The following NFKBIZ variants were observed in gnomAD, a reference collection of about 807,000 sequenced individuals.
The protein encoded by NFKBIZ is NFKB inhibitor zeta.
NFKBIZ carries 19 observed loss-of-function variants against 76.8 expected under a neutral mutation model. The ratio of observed to expected loss-of-function variants is 0.25; its 90% confidence interval spans 0.17 to 0.36. The LOEUF (loss-of-function observed/expected upper bound fraction) is 0.36. NFKBIZ is among the 10% of genes least tolerant of loss of function. The pLI is 1.00. For synonymous variants in NFKBIZ, 368 were observed against 354.8 expected, an observed-to-expected ratio of 1.04 and a Z score of -0.42; for missense variants, 829 against 910.9, an observed-to-expected ratio of 0.91 and a Z score of 1.16.
At chr3:101,832,893 A>G (rs1439772984) in intron 2 of NFKBIZ, among the ~76,000 whole-genome samples, 1 of 152,258 alleles carries the variant, frequency 6.6e-6, no homozygotes, top group East Asian at 1.9e-4. Context: ...TGGATGCACC[A>G]TGATGAATTT....
rs185094219 is a variant in NFKBIZ at position 101,828,562 on chromosome 3, G to A, written c.-88+378G>A. On this transcript the variant is annotated intron_variant, in intron 1 of 12. Coordinates refer to the NFKBIZ transcript ENST00000394054. ...AGTCTCCCAGGAGATTTGATGTGTG[G>A]GTTTAGAGGAGTACTTTCCCACCAA... Among the ~76,000 whole-genome samples the A allele has an allele frequency of 1.4e-4, 22 of 152,268 alleles. No individual in the cohort carries two copies. In the East Asian group the frequency reaches 3.3e-3, roughly 23 times the overall value.
chr3:101,843,936 T>C (rs1560084661), intron 2 of NFKBIZ, among the ~76,000 whole-genome samples: 3 of 152,220 alleles, frequency 2.0e-5, no homozygotes, highest in Non-Finnish European at 4.4e-5. Context: ...CAACAGAAGT[T>C]TCCCAAAATT....
chr3:101,850,743 A>T, intron 1 of NFKBIZ, among the ~76,000 whole-genome samples: 1 of 152,202 alleles, frequency 6.6e-6, no homozygotes, highest in East Asian at 1.9e-4. Flanking sequence ...TCCCACTCTT[A>T]GCCACTCCTG....
rs1381095304 is a variant in NFKBIZ at position 101,852,107 on chromosome 3, C to A, written c.312C>A (p.Gly104=). The change falls in exon 2 of 12, where the codon GGC becomes GGA. Residue 104 remains glycine (G), a synonymous_variant. Transcript: ENST00000326172. ...RQPVEPHMGV[G]RQQRGPFQGV... is the part of the protein sequence containing the mutation. ...CAGTTGAGCCCCATATGGGGGTTGG[C>A]AGGCAGCAGAGAGGCCCCTTTCAAG... 4 of 1,614,056 alleles carry A rather than the reference C, an allele frequency of 2.5e-6. No homozygotes were observed. The highest frequency in any genetic ancestry group is 3.4e-6 in the Non-Finnish European group (4 of 1,180,016).
rs1942994836 is a variant in NFKBIZ, at chr3:101,853,096, A to C, written c.570A>C (p.Pro190=). Residue 190 remains proline, a synonymous_variant, in exon 5 of 12, where the codon CCA becomes CCC. Coordinates refer to ENST00000326172, the MANE Select transcript of NFKBIZ (RefSeq NM_031419.4). ...PALLHSQFLT[P]PQTPTPGESM... is the part of the protein sequence containing the mutation. ...TGCATTTTCCTTCTTTCCAGACACC[A>C]CCTCAAACACCAACGCCCGGGGAGA... 4 of 1,612,614 alleles carry C rather than the reference A, an allele frequency of 2.5e-6. No homozygotes were observed. Among genetic ancestry groups the C allele is most frequent in the Non-Finnish European group, 3.4e-6 (4 of 1,178,740 alleles).
rs1042111040 is a variant in NFKBIZ, at chr3:101,849,760, C to T, written c.132C>T (p.Ala44=). 3.2e-5 allele frequency: 46 copies of T among 1,453,212 alleles called. No homozygotes were observed. Among genetic ancestry groups the T allele is most frequent in the Non-Finnish European group, 2.3e-5 (26 of 1,108,270 alleles). 90.0% of individuals were successfully genotyped at this position (1,453,212 alleles called of 1,614,324 possible). The change falls in exon 1 of 12, where the codon GCC becomes GCT. Residue 44 remains alanine, a synonymous_variant. Transcript: ENST00000326172. ...YFYGASPPAA[A]PGACDASCSV... Reference sequence around the variant, plus strand: ...ACGGCGCGTCGCCGCCCGCCGCCGCCCCGGGCGCCTGCGACGCCAGCTGCT... The same window carrying T: ...ACGGCGCGTCGCCGCCCGCCGCCGCTCCGGGCGCCTGCGACGCCAGCTGCT...
In NFKBIZ at chr3:101,855,477, A is replaced by G. The variant is rs372109103; in HGVS notation, c.1654+19A>G. On this transcript the variant is annotated intron_variant, in intron 8 of 11. Transcript: ENST00000326172. ...TATGATGGTAAGCAACTGAAACTTT[A>G]TTAGATTCAGAGCCACTTAGGGGGA... 5.6e-6 allele frequency: 9 copies of G among 1,606,578 alleles called. No individual in the cohort carries two copies. Among genetic ancestry groups the G allele is most frequent in the Non-Finnish European group, 6.8e-6 (8 of 1,173,226 alleles).
intron 2 of NFKBIZ, among the ~76,000 whole-genome samples, chr3:101,837,664 G>A (rs1274636017): frequency 6.6e-6 from 1 of 152,026 alleles, no homozygotes; most frequent in African/African-American, 2.4e-5. Flanking sequence ...AAAACGAAAG[G>A]GTGTCTTTGT....
intron 6 of NFKBIZ, 143 bp downstream of exon 6, chr3:101,854,826 A>G (rs1943025385): frequency 1.3e-6 from 1 of 754,986 alleles, no homozygotes; most frequent in Non-Finnish European, 2.1e-6. Context: ...ACTTTTTGCT[A>G]CCATCAACCT....
At chr3:101,846,969 T>C (rs530867537), upstream of NFKBIZ, among the ~76,000 whole-genome samples, 11 of 152,334 alleles carry the variant, frequency 7.2e-5, no homozygotes, top group South Asian at 1.7e-3. Flanking sequence ...AGTCAGAGTC[T>C]GAAGGCCCAA....
intron 4 of NFKBIZ, 42 bp downstream of exon 4, chr3:101,853,031 T>C: frequency 6.2e-7 from 1 of 1,613,008 alleles, no homozygotes; most frequent in Non-Finnish European, 8.5e-7. Context: ...CTTTGGAAAT[T>C]ATTCCTGGGA....
At chr3:101,847,986 C>G (rs149517377), upstream of NFKBIZ, among the ~76,000 whole-genome samples, 9 of 152,226 alleles carry the variant, frequency 5.9e-5, 1 homozygote, top group South Asian at 8.3e-4. Flanking sequence ...TTTCTCCCCC[C>G]CTCCAAAAGA....
At chr3:101,837,131 A>C (rs959869522) in intron 2 of NFKBIZ, among the ~76,000 whole-genome samples, 1 of 152,170 alleles carries the variant, frequency 6.6e-6, no homozygotes, top group Admixed American at 6.5e-5. Flanking sequence ...GGATGGTGTG[A>C]TGAAGTCATA....
chr3:101,834,069 C>A (rs567783029), intron 2 of NFKBIZ, among the ~76,000 whole-genome samples: 3 of 152,126 alleles, frequency 2.0e-5, no homozygotes, highest in Non-Finnish European at 4.4e-5. Flanking sequence ...TGAAATTTTA[C>A]TGGATAAGTA....
chr3:101,841,655 A>G (rs1311482793), intron 2 of NFKBIZ, among the ~76,000 whole-genome samples: 1 of 152,216 alleles, frequency 6.6e-6, no homozygotes, highest in East Asian at 1.9e-4. Flanking sequence ...TTACATTGCT[A>G]TGGGGATAAT....
chr3:101,858,377 A>T, intron 11 of NFKBIZ: 2 of 982,820 alleles, frequency 2.0e-6, no homozygotes, highest in South Asian at 4.7e-5. Context: ...TCAAGTTTCA[A>T]CTGAGAAAAT....
chr3:101,849,794 G>A lies in NFKBIZ; in HGVS notation c.166G>A (p.Gly56Ser). The A allele has an allele frequency of 6.8e-7, 1 of 1,470,938 alleles. No homozygotes were observed. The highest frequency in any genetic ancestry group is 8.9e-7 in the Non-Finnish European group (1 of 1,118,642). 91.1% of individuals were successfully genotyped at this position (1,470,938 alleles called of 1,614,324 possible). Residue 56 changes from glycine to serine, a missense_variant, in exon 1 of 12, where the codon GGC becomes AGC. Gly to Ser is a moderately conservative substitution (Grantham distance 56). Coordinates refer to ENST00000326172, the MANE Select transcript of NFKBIZ (RefSeq NM_031419.4). ...GACDASCSVL[G>S]PSAPGSPGSD... Reference sequence around the variant, plus strand: ...CTGCGACGCCAGCTGCTCGGTCTTGGGCCCCTCGGCGCCCGGCTCGCCCGG... The same window carrying A: ...CTGCGACGCCAGCTGCTCGGTCTTGAGCCCCTCGGCGCCCGGCTCGCCCGG...
Position 101,853,603 on chromosome 3 carries a change from T to C in NFKBIZ, c.1077T>C (p.Thr359=). The change falls in exon 5 of 12, where the codon ACT becomes ACC. Residue 359 remains threonine (T), a synonymous_variant. Transcript: ENST00000326172. ...AGAATATTGCTAATCCCATGCAGAC[T>C]TCCTCCAGTGTTCAGCAGCAAAATG... ...ESENIANPMQ[T]SSSVQQQNDA... The C allele has an allele frequency of 6.2e-7, 1 of 1,614,264 alleles. No homozygotes were observed. Among genetic ancestry groups the C allele is most frequent in the Non-Finnish European group, 8.5e-7 (1 of 1,180,046 alleles).
At chr3:101,851,684 A>C (rs1305710172) in intron 1 of NFKBIZ, among the ~76,000 whole-genome samples, 3 of 152,216 alleles carry the variant, frequency 2.0e-5, no homozygotes, top group Non-Finnish European at 4.4e-5. Flanking sequence ...GTCAAGAATA[A>C]TTATAGAACT....
Sources: gnomAD v4.1 joint callset for allele counts (sites outside exome capture counted in the v4.1 genomes callset) on GRCh38, gnomAD v4.1.1 for gene constraint, MANE v1.5 for transcripts, NCBI Gene and HGNC (gene_info 2026-07-23, HGNC 2026-07-21) for gene names.